The following CALN1 variants were observed in gnomAD, a reference collection of about 807,000 sequenced individuals.
CALN1 encodes calneuron 1.
CALN1 carries 17 observed loss-of-function variants against 30.6 expected under a neutral mutation model. The ratio of observed to expected loss-of-function variants is 0.56; its 90% CI spans 0.38 to 0.83. CALN1 has a LOEUF of 0.83. Ranked by LOEUF, CALN1 falls within the 40% of genes least tolerant of loss-of-function variation. The pLI is 0.00. For missense variants in CALN1, 291 were observed against 354.9 expected (o/e 0.82, Z 1.45); for synonymous variants, 156 against 131.4 (o/e 1.19, Z -1.28).
At chr7:72,079,359 T>A (rs922145730) in intron 4 of CALN1, among the ~76,000 whole-genome samples, 1 of 152,172 alleles carries the variant, frequency 6.6e-6, no homozygotes, top group African/African-American at 2.4e-5. Context: ...CACTAGAATA[T>A]AAACTCCATA....
intron 5 of CALN1, among the ~76,000 whole-genome samples, chr7:71,937,531 T>G (rs571509697): frequency 3.3e-5 from 5 of 151,830 alleles, no homozygotes; most frequent in African/African-American, 4.8e-5. Context: ...CAGACGGGAG[T>G]CCGGTGGTGC....
chr7:72,479,088 G>A, the CALN1 span, among the ~76,000 whole-genome samples: 2 of 152,000 alleles, frequency 1.3e-5, no homozygotes, highest in African/African-American at 4.8e-5. Flanking sequence ...CACCGTGTTA[G>A]CCAGGCTGGT....
At chr7:72,018,461 CA>C (rs1029987779) in intron 5 of CALN1, among the ~76,000 whole-genome samples, 1 of 151,988 alleles carries the variant, frequency 6.6e-6, no homozygotes, top group Non-Finnish European at 1.5e-5. Context: ...ACTGCAGTAA[CA>C]AAAAAACACA....
intron 3 of CALN1, among the ~76,000 whole-genome samples, chr7:72,122,351 A>G (rs1468387873): frequency 6.6e-6 from 1 of 152,128 alleles, no homozygotes; most frequent in Admixed American, 6.5e-5. Flanking sequence ...TTCCAGAAAG[A>G]AACTAGAGAA....
intron 6 of CALN1, among the ~76,000 whole-genome samples, chr7:71,803,430 T>C (rs1409048528): frequency 6.6e-6 from 1 of 152,146 alleles, no homozygotes; most frequent in Non-Finnish European, 1.5e-5. Flanking sequence ...CTATATGCAA[T>C]GTGAGCCCCT....
intron 3 of CALN1, among the ~76,000 whole-genome samples, chr7:72,212,823 CATAAAA>C (rs1225943853): frequency 4.6e-5 from 7 of 152,122 alleles, no homozygotes; most frequent in African/African-American, 1.7e-4. Context: ...CCTAAGAAAA[CATAAAA>C]ATAAAGAAAA....
chr7:72,370,533 A>G (rs980921780), intron 2 of CALN1, among the ~76,000 whole-genome samples: 1 of 152,160 alleles, frequency 6.6e-6, no homozygotes, highest in African/African-American at 2.4e-5. Context: ...ACATGCCTGT[A>G]GTCCCAGCTA....
chr7:71,839,485 T>C (rs982638417), intron 5 of CALN1, among the ~76,000 whole-genome samples: 3 of 152,276 alleles, frequency 2.0e-5, no homozygotes, highest in South Asian at 2.1e-4. Flanking sequence ...TGAGCCGAGA[T>C]TGCACCACTG....
intron 3 of CALN1, among the ~76,000 whole-genome samples, chr7:72,256,010 G>A (rs1386964010): frequency 2.0e-5 from 3 of 152,226 alleles, no homozygotes; most frequent in African/African-American, 2.4e-5. Flanking sequence ...TTACAGGCGT[G>A]AGCCACCGCG....
chr7:72,247,006 G>A (rs909603276), intron 3 of CALN1, among the ~76,000 whole-genome samples: 3 of 151,626 alleles, frequency 2.0e-5, no homozygotes, highest in Non-Finnish European at 4.4e-5. Flanking sequence ...TGCCCGCCTC[G>A]GCCTCCCGAA....
chr7:72,075,782 T>C (rs768355365), intron 4 of CALN1, among the ~76,000 whole-genome samples: 4 of 152,186 alleles, frequency 2.6e-5, no homozygotes, highest in Non-Finnish European at 5.9e-5. Context: ...CCCTGCCCTA[T>C]CTTCAAAGCC....
intron 2 of CALN1, among the ~76,000 whole-genome samples, chr7:72,358,618 C>A (rs1380421725): frequency 6.6e-6 from 1 of 152,154 alleles, no homozygotes; most frequent in Non-Finnish European, 1.5e-5. Context: ...GAATTCCCCT[C>A]AAGCCCATCG....
chr7:71,995,337 G>A (rs890655091), intron 5 of CALN1, among the ~76,000 whole-genome samples: 1 of 152,222 alleles, frequency 6.6e-6, no homozygotes, highest in African/African-American at 2.4e-5. Flanking sequence ...GCTTTAGCCT[G>A]CTGATTTATG....
Position 71,779,713 on chromosome 7 carries a change from TAAAG to T in CALN1, c.*8058_*8061del, listed in dbSNP as rs1792618314. 6.6e-6 allele frequency: 1 copy of T among 152,208 alleles called. No homozygotes were observed. Among genetic ancestry groups the T allele is most frequent in the African/African-American group, 2.4e-5 (1 of 41,452 alleles). The allele number at this position is 152,208 out of a possible 1,614,324, so 9.4% of individuals were successfully genotyped here. ...TTTATATTAATATGTACATTTTATA[TAAAG>T]ATTCTTTTTTGACTAGTCTGCTGAC... On this transcript the variant is annotated 3_prime_UTR_variant, in exon 7 of 7. Transcript: ENST00000395275.
the CALN1 span, among the ~76,000 whole-genome samples, chr7:72,454,205 C>T: frequency 1.7e-3 from 257 of 152,298 alleles, 2 homozygotes; most frequent in African/African-American, 5.5e-3. Context: ...TGTGGGATCT[C>T]TGCTCTGAGA....
chr7:71,800,778 A>G (rs1275540895), intron 6 of CALN1, among the ~76,000 whole-genome samples: 1 of 129,170 alleles, frequency 7.7e-6, no homozygotes, highest in Non-Finnish European at 1.6e-5. Flanking sequence ...CCCAGGTTAA[A>G]ATTATTTTCT....
intron 5 of CALN1, among the ~76,000 whole-genome samples, chr7:71,828,416 C>A (rs1343237505): frequency 6.6e-6 from 1 of 152,016 alleles, no homozygotes; most frequent in Non-Finnish European, 1.5e-5. Context: ...CAAAGATTCG[C>A]CTGGATTATG....
At chr7:72,366,545 T>TC (rs1252685070) in intron 2 of CALN1, among the ~76,000 whole-genome samples, 1 of 89,696 alleles carries the variant, frequency 1.1e-5, no homozygotes, top group Non-Finnish European at 2.1e-5. Flanking sequence ...ATGGATGAAT[T>TC]TTTAGTGCTG....
intron 3 of CALN1, among the ~76,000 whole-genome samples, chr7:72,224,510 A>G (rs1046950494): frequency 2.0e-5 from 3 of 152,198 alleles, no homozygotes; most frequent in Non-Finnish European, 4.4e-5. Flanking sequence ...ATGGCCAGAC[A>G]TGGTGGCTCA....
Sources: gnomAD v4.1 joint callset for allele counts (sites outside exome capture counted in the v4.1 genomes callset) on GRCh38, gnomAD v4.1.1 for gene constraint, MANE v1.5 for transcripts, NCBI Gene and HGNC (gene_info 2026-07-23, HGNC 2026-07-21) for gene names.